Variants in WDR37 observed in about 807,000 individuals in gnomAD.
The protein encoded by WDR37 is WD repeat-containing protein 37.
A neutral mutation model predicts 62.9 loss-of-function variants in WDR37; 19 were observed. The observed-to-expected ratio is 0.30, with a 90% CI of 0.21 to 0.44. The LOEUF (loss-of-function observed/expected upper bound fraction) is 0.44. Ranked by LOEUF, WDR37 falls within the 20% of genes least tolerant of loss-of-function variation. The pLI is 1.00. For synonymous variants in WDR37, 250 were observed against 260.9 expected (o/e 0.96, Z 0.40); for missense variants, 474 against 657.6 (o/e 0.72, Z 3.05).
At chr10:1,127,032 T>C (rs1835811368) in intron 13 of WDR37, among the ~76,000 whole-genome samples, 1 of 152,252 alleles carries the variant, frequency 6.6e-6, no homozygotes, top group African/African-American at 2.4e-5. Flanking sequence ...CACTCATGTG[T>C]CCTCACAGCT....
At chr10:1,109,935 G>A (rs117600309) in intron 11 of WDR37, among the ~76,000 whole-genome samples, 2,459 of 152,240 alleles carry the variant, frequency 0.016, 38 homozygotes, top group Admixed American at 0.056. Flanking sequence ...TGTAATTCCC[G>A]TGTGCCCTTT....
intron 9 of WDR37, among the ~76,000 whole-genome samples, chr10:1,102,528 C>T (rs915921607): frequency 1.3e-5 from 2 of 152,076 alleles, no homozygotes; most frequent in Admixed American, 1.3e-4. Flanking sequence ...GGAGCTTTCA[C>T]TCACAGCAGA....
At position 1,072,229 on chromosome 10, in the gene WDR37, T is replaced by G; in HGVS notation, c.74T>G (p.Ile25Arg). Residue 25 changes from isoleucine (I) to arginine (R), a missense_variant, in exon 2 of 14, where the codon ATA (isoleucine) becomes AGA (arginine). Coordinates refer to ENST00000263150, the MANE Select transcript of WDR37 (RefSeq NM_014023.4). ...KQKRKSHSLS[I>R]RRTNSSEQER... ...AAGCGCAAATCCCATAGCCTTTCTA[T>G]ACGAAGAACTAACAGCTCGGAGCAG... 1 of 1,614,160 alleles carries G rather than the reference T, an allele frequency of 6.2e-7. No individual in the cohort carries two copies. Among genetic ancestry groups the G allele is most frequent in the Non-Finnish European group, 8.5e-7 (1 of 1,180,026 alleles).
At chr10:1,076,948 C>T (rs1344963066) in intron 2 of WDR37, among the ~76,000 whole-genome samples, 14 of 147,880 alleles carry the variant, frequency 9.5e-5, no homozygotes, top group African/African-American at 3.0e-4. Context: ...TGCAGTGAGC[C>T]GAGACCACAC....
At chr10:1,069,373 A>ATG (rs1253196077) in intron 1 of WDR37, among the ~76,000 whole-genome samples, 4 of 25,086 alleles carry the variant, frequency 1.6e-4, no homozygotes, top group African/African-American at 6.0e-4. Context: ...TGGAAAGAAT[A>ATG]TATATATATA....
chr10:1,107,078 A>G (rs547698958), intron 11 of WDR37, among the ~76,000 whole-genome samples: 2 of 152,374 alleles, frequency 1.3e-5, no homozygotes, highest in Admixed American at 1.3e-4. Context: ...TTGTTGCTGC[A>G]TCAGGGTGCA....
intron 1 of WDR37, among the ~76,000 whole-genome samples, chr10:1,069,390 T>TA (rs1491098746): frequency 0.42 from 18,832 of 44,862 alleles, 2,021 homozygotes; most frequent in Middle Eastern, 0.46. Flanking sequence ...TATATATATA[T>TA]TTTTTTTTTT....
intron 11 of WDR37, among the ~76,000 whole-genome samples, chr10:1,113,997 C>T (rs1416803330): frequency 1.7e-5 from 2 of 120,610 alleles, no homozygotes; most frequent in South Asian, 5.6e-4. Context: ...TGCCCTGTTG[C>T]CTAGGCTATA....
chr10:1,113,329 T>A (rs1835276791), intron 11 of WDR37, among the ~76,000 whole-genome samples: 1 of 152,214 alleles, frequency 6.6e-6, no homozygotes, highest in African/African-American at 2.4e-5. Context: ...GTCCTGCTTA[T>A]TGACAGTGCA....
At chr10:1,062,751 C>T (rs890131882) in intron 1 of WDR37, among the ~76,000 whole-genome samples, 1 of 152,110 alleles carries the variant, frequency 6.6e-6, no homozygotes, top group Non-Finnish European at 1.5e-5. Context: ...TTCCTTATTC[C>T]TCCCATGAAG....
In WDR37 at chr10:1,124,993, G is replaced by A; in HGVS notation, c.1322G>A (p.Arg441His). The change falls in exon 13 of 14, where the codon CGC becomes CAC. Residue 441 changes from arginine (R) to histidine (H), a missense_variant. Arg to His is a conservative substitution (Grantham distance 29, BLOSUM62 0). Transcript: ENST00000263150. ...AGACTGTTTGATATGTCAGGAGTGCGCCTGGCGCGGCTTCCCCGGAGCAGC... is the reference window on the plus strand; with the variant it reads ...AGACTGTTTGATATGTCAGGAGTGCACCTGGCGCGGCTTCCCCGGAGCAGC... Reference protein sequence around the residue: ...QVRLFDMSGVRLARLPRSSRQ... With the variant: ...QVRLFDMSGVHLARLPRSSRQ... The A allele has an allele frequency of 6.2e-7, 1 of 1,614,172 alleles. No individual in the cohort carries two copies. The highest frequency in any genetic ancestry group is 8.5e-7 in the Non-Finnish European group (1 of 1,180,016).
At chr10:1,092,949 A>G (rs1834449774) in intron 7 of WDR37, among the ~76,000 whole-genome samples, 1 of 149,738 alleles carries the variant, frequency 6.7e-6, no homozygotes, top group South Asian at 2.1e-4. Context: ...AGGACATCAT[A>G]GACTGTGTAA....
chr10:1,083,681 A>G (rs1834100037), intron 5 of WDR37, among the ~76,000 whole-genome samples: 1 of 152,200 alleles, frequency 6.6e-6, no homozygotes, highest in African/African-American at 2.4e-5. Context: ...GGGCATGAGA[A>G]CTGTCTGCTG....
Position 1,105,813 on chromosome 10 carries a change from T to C in WDR37, c.1103+546T>C, listed in dbSNP as rs1834988979. On this transcript the variant is annotated intron_variant, in intron 11 of 13. Coordinates refer to ENST00000263150, the MANE Select transcript of WDR37 (RefSeq NM_014023.4). The surrounding 1 kb of genome is among the most constrained non-coding windows in gnomAD (Gnocchi z 5.3). ...AAGGTCTTTTTTTTCTGAGACGGAG[T>C]CTCGCTCTGTCGCCCAGGCTGGAGT... Among the ~76,000 whole-genome samples the C allele has an allele frequency of 6.6e-6, 1 of 151,700 alleles. No homozygotes were observed. Among genetic ancestry groups the C allele is most frequent in the African/African-American group, 2.4e-5 (1 of 41,266 alleles).
At chr10:1,076,447 AG>A (rs1170641402) in intron 2 of WDR37, among the ~76,000 whole-genome samples, 2 of 152,112 alleles carry the variant, frequency 1.3e-5, no homozygotes, top group Non-Finnish European at 2.9e-5. Context: ...TGGGAGACCG[AG>A]GTGGGCAGAT....
intron 9 of WDR37, among the ~76,000 whole-genome samples, chr10:1,096,844 G>T (rs1165430418): frequency 1.3e-5 from 2 of 152,194 alleles, no homozygotes; most frequent in Admixed American, 6.5e-5. Flanking sequence ...GGACATCAAT[G>T]GGGACTCGGG....
At chr10:1,077,443 C>G (rs1833911769) in intron 2 of WDR37, among the ~76,000 whole-genome samples, 1 of 152,088 alleles carries the variant, frequency 6.6e-6, no homozygotes, top group Non-Finnish European at 1.5e-5. Flanking sequence ...GGGAGAGTGA[C>G]TGTGCTTTTG....
chr10:1,080,324 C>T, intron 4 of WDR37, 88 bp from the exon 5 acceptor site: 3 of 1,551,788 alleles, frequency 1.9e-6, no homozygotes, highest in Non-Finnish European at 2.6e-6. Context: ...GGCCCCCTTT[C>T]TTCCTGTGCA....
At chr10:1,069,389 A>ATATATT in intron 1 of WDR37, among the ~76,000 whole-genome samples, 2 of 95,804 alleles carry the variant, frequency 2.1e-5, no homozygotes, top group African/African-American at 9.4e-5. Context: ...ATATATATAT[A>ATATATT]TTTTTTTTTT....
Sources: allele counts gnomAD v4.1 joint callset (sites outside exome capture counted in the v4.1 genomes callset), GRCh38; gene constraint gnomAD v4.1.1; non-coding constraint Gnocchi (gnomAD v3.1); transcripts MANE v1.5; gene names NCBI Gene and HGNC (gene_info 2026-07-23, HGNC 2026-07-21).